The following LRGUK variants were observed in gnomAD, a reference collection of about 807,000 sequenced individuals.
The protein encoded by LRGUK is leucine rich repeats and guanylate kinase domain containing.
A neutral mutation model predicts 76.0 loss-of-function variants in LRGUK; 65 were observed. That is an observed-to-expected ratio of 0.85 (90% CI 0.70 to 1.05). The LOEUF (loss-of-function observed/expected upper bound fraction) is 1.05, where lower values mean the gene tolerates loss of function less well. Ranked by LOEUF, LRGUK falls within the 50% of genes least tolerant of loss-of-function variation. LRGUK has a pLI of 0.00. For synonymous variants in LRGUK, 268 were observed against 265.6 expected (o/e 1.01, Z -0.09); for missense variants, 758 against 732.8 (o/e 1.03, Z -0.40).
intron 8 of LRGUK, among the ~76,000 whole-genome samples, chr7:134,176,334 A>G (rs969715335): frequency 1.3e-5 from 2 of 152,154 alleles, no homozygotes; most frequent in Admixed American, 6.5e-5. Context: ...ACCCTTACCT[A>G]TGTAAGAAAC....
intron 8 of LRGUK, among the ~76,000 whole-genome samples, chr7:134,175,703 A>G (rs1799449854): frequency 6.6e-6 from 1 of 152,188 alleles, no homozygotes; most frequent in African/African-American, 2.4e-5. Context: ...AATGACAAAG[A>G]CCACAATTAC....
At chr7:134,253,970 A>C (rs1232663168) in intron 18 of LRGUK, among the ~76,000 whole-genome samples, 2 of 152,234 alleles carry the variant, frequency 1.3e-5, no homozygotes, top group African/African-American at 4.8e-5. Flanking sequence ...GTTAATATTC[A>C]ATACGTGAAG....
In LRGUK at chr7:134,158,179, G is replaced by C; in HGVS notation, c.795+20G>C. 6.2e-7 allele frequency: 1 copy of C among 1,601,422 alleles called. No individual in the cohort carries two copies. Among genetic ancestry groups the C allele is most frequent in the Non-Finnish European group, 8.5e-7 (1 of 1,170,476 alleles). On this transcript the variant is annotated intron_variant, in intron 6 of 15. Coordinates refer to ENST00000645682, the Ensembl canonical transcript of LRGUK. Reference sequence around the variant, plus strand: ...TGTCTGGTGAGTCTAACAAAATGCTGTTCTTTATAGAAGTAGTAGTTAATG... The same window carrying C: ...TGTCTGGTGAGTCTAACAAAATGCTCTTCTTTATAGAAGTAGTAGTTAATG...
At chr7:134,258,647 C>A (rs981273068) in intron 19 of LRGUK, among the ~76,000 whole-genome samples, 1 of 149,248 alleles carries the variant, frequency 6.7e-6, no homozygotes, top group Admixed American at 6.7e-5. Context: ...TGCAGGGAGC[C>A]GAGATCACAC....
intron 12 of LRGUK, 137 bp downstream of exon 12, chr7:134,191,888 T>G: frequency 1.8e-6 from 1 of 550,526 alleles, no homozygotes; most frequent in East Asian, 3.1e-5. Context: ...TATGGGGTTT[T>G]TTTTTTTTCT....
intron 18 of LRGUK, among the ~76,000 whole-genome samples, chr7:134,255,222 A>AACACACACACAC (rs66632170): frequency 1.4e-5 from 2 of 143,054 alleles, no homozygotes; most frequent in African/African-American, 2.6e-5. Context: ...ATGTTATCTC[A>AACACACACACAC]ACACACACAC....
chr7:134,143,507 T>G (rs1468055217), intron 4 of LRGUK, among the ~76,000 whole-genome samples: 2 of 152,182 alleles, frequency 1.3e-5, no homozygotes, highest in Non-Finnish European at 2.9e-5. Flanking sequence ...TGGTACATTT[T>G]ATTTATTTAA....
At chr7:134,214,383 A>G (rs554501563), downstream of LRGUK, among the ~76,000 whole-genome samples, 29 of 152,330 alleles carry the variant, frequency 1.9e-4, no homozygotes, top group Admixed American at 8.5e-4. Flanking sequence ...AACATTTTGT[A>G]TATCTTCAGT....
intron 7 of LRGUK, among the ~76,000 whole-genome samples, chr7:134,165,953 C>T (rs1471686663): frequency 6.6e-6 from 1 of 152,146 alleles, no homozygotes; most frequent in Admixed American, 6.5e-5. Context: ...AAAAAAGTGG[C>T]CACGTGTCCC....
At chr7:134,144,763 T>C (rs974949091) in intron 4 of LRGUK, among the ~76,000 whole-genome samples, 9 of 152,186 alleles carry the variant, frequency 5.9e-5, no homozygotes, top group Admixed American at 5.2e-4. Flanking sequence ...CCCTTATCAA[T>C]AGTGCATTTT....
chr7:134,127,463 T>C (rs1563129185), exon 1 of LRGUK: 1 of 1,613,930 alleles, frequency 6.2e-7, no homozygotes, highest in Non-Finnish European at 8.5e-7. Context: ...CGTTACAGTT[T>C]CGCGCAGAAA....
At chr7:134,173,229 A>G (rs1799333473) in intron 7 of LRGUK, among the ~76,000 whole-genome samples, 1 of 152,216 alleles carries the variant, frequency 6.6e-6, no homozygotes, top group African/African-American at 2.4e-5. Flanking sequence ...CAGGTTGTAG[A>G]TTGCAACTCT....
intron 6 of LRGUK, 114 bp from the exon 7 acceptor site, chr7:134,163,283 G>C (rs1798829148): frequency 1.2e-5 from 10 of 860,430 alleles, no homozygotes; most frequent in Non-Finnish European, 1.7e-5. Flanking sequence ...GGACAAGAAT[G>C]CCTTCTTGAT....
Position 134,247,554 on chromosome 7 carries a change from A to T in LRGUK, c.1984-2A>T. On this transcript the variant is annotated splice_acceptor_variant, in intron 16 of 19. Coordinates refer to the LRGUK transcript ENST00000285928. LOFTEE classifies it high-confidence loss of function. ...AATTTTCTAATGACATTTCTTACCTAGGAAAGAGATTCTATACACAGACAG... is the reference window on the plus strand; with the variant it reads ...AATTTTCTAATGACATTTCTTACCTTGGAAAGAGATTCTATACACAGACAG... The T allele has an allele frequency of 6.2e-7, 1 of 1,608,922 alleles. No individual in the cohort carries two copies. Among genetic ancestry groups the T allele is most frequent in the Non-Finnish European group, 8.5e-7 (1 of 1,176,372 alleles).
At position 134,249,044 on chromosome 7, in the gene LRGUK, TA is replaced by T. The variant is rs888672027; in HGVS notation, c.2169del (p.Lys723AsnfsTer19). Reference sequence around the variant, plus strand: ...GTTTTGATCTTTGTGAAGACTATTTTAAACCTCCATTTGGACCATATCCTGA... The same window carrying T: ...GTTTTGATCTTTGTGAAGACTATTTTAACCTCCATTTGGACCATATCCTGA... On this transcript the variant is annotated frameshift_variant, in exon 18 of 20. Coordinates refer to the LRGUK transcript ENST00000285928. LOFTEE classifies it high-confidence loss of function. 6.3e-7 allele frequency: 1 copy of T among 1,594,758 alleles called. No homozygotes were observed. The highest frequency in any genetic ancestry group is 1.3e-5 in the African/African-American group (1 of 74,336).
rs764401800 is a variant in LRGUK, at chr7:134,127,678, C to G, written c.297+14C>G. On this transcript the variant is annotated intron_variant, in intron 1 of 15. Transcript: ENST00000645682. ...CTGAATTTGGAGGTGTGTCTTCCCCCCCACCCCGTACTCCCTGGCTCCCTC... is the reference window on the plus strand; with the variant it reads ...CTGAATTTGGAGGTGTGTCTTCCCCGCCACCCCGTACTCCCTGGCTCCCTC... 1.2e-6 allele frequency: 2 copies of G among 1,605,702 alleles called. No individual in the cohort carries two copies. Among genetic ancestry groups the G allele is most frequent in the Non-Finnish European group, 1.7e-6 (2 of 1,175,544 alleles).
At chr7:134,148,016 C>G (rs1200930533) in intron 4 of LRGUK, among the ~76,000 whole-genome samples, 2 of 143,468 alleles carry the variant, frequency 1.4e-5, no homozygotes, top group African/African-American at 2.6e-5. Flanking sequence ...GAGCTGAGAT[C>G]ACACCACTGC....
At chr7:134,189,827 G>A (rs1347891902) in intron 11 of LRGUK, among the ~76,000 whole-genome samples, 1 of 152,150 alleles carries the variant, frequency 6.6e-6, no homozygotes, top group Non-Finnish European at 1.5e-5. Context: ...TGTTTTGACA[G>A]CCTTCTCTTA....
Position 134,164,273 on chromosome 7 carries a change from G to A in LRGUK, c.939+733G>A, listed in dbSNP as rs1263406032. 6.6e-5 allele frequency among the ~76,000 whole-genome samples: 10 copies of A among 152,152 alleles called. No homozygotes were observed. In the East Asian group the frequency reaches 1.5e-3, roughly 24 times the overall value. On this transcript the variant is annotated intron_variant, in intron 7 of 15. Transcript: ENST00000645682. ...AAAAATATTAAAAAGTTTTAAAAAT[G>A]CAAATACCCTAGGAAAGGCTTAAAC...
Sources: allele counts gnomAD v4.1 joint callset (sites outside exome capture counted in the v4.1 genomes callset), GRCh38; gene constraint gnomAD v4.1.1; transcripts MANE v1.5; gene names NCBI Gene and HGNC (gene_info 2026-07-23, HGNC 2026-07-21).